ADGRG2: variants seen among roughly 807,000 people sequenced by gnomAD.
ADGRG2 encodes the protein G protein-coupled receptor 64.
ADGRG2 carries 26 observed loss-of-function variants against 74.1 expected under a neutral mutation model. The ratio of observed to expected loss-of-function variants is 0.35; its 90% CI spans 0.26 to 0.49. The LOEUF is 0.49. Ranked by LOEUF, ADGRG2 falls within the 20% of genes least tolerant of loss-of-function variation. The pLI is 0.99. For missense variants in ADGRG2, 619 were observed against 763.1 expected, an observed-to-expected ratio of 0.81 and a Z score of 2.22; for synonymous variants, 296 against 295.2, an observed-to-expected ratio of 1.00 and a Z score of -0.03.
At chrX:19,095,829 C>A (rs1302797633) in intron 1 of ADGRG2, among the ~76,000 whole-genome samples, 2 of 110,049 alleles carry the variant, frequency 1.8e-5, no homozygotes, top group East Asian at 5.7e-4. Flanking sequence ...GCCTGGGCAA[C>A]ATAGTGAGAC....
At chrX:19,066,546 C>G (rs1172214763) in intron 3 of ADGRG2, among the ~76,000 whole-genome samples, 9 of 103,274 alleles carry the variant, frequency 8.7e-5, no homozygotes, top group African/African-American at 3.2e-4. Flanking sequence ...ACCTCCGCCT[C>G]CTGGGCTCAA....
rs2061561149 is a variant in ADGRG2 at position 19,065,893 on chromosome X, G to A, written c.118+2824C>T. Among the ~76,000 whole-genome samples, 6 of 112,296 alleles carry A rather than the reference G, an allele frequency of 5.3e-5. No individual in the cohort carries two copies. In the Admixed American group the frequency reaches 5.6e-4, roughly 11 times the overall value. ...TTGAGAGTCTCGCTCTGTCACCCAG[G>A]CTGGAGTGCAATGGCATGATCTCAG... On this transcript the variant is annotated intron_variant, in intron 3 of 28. Coordinates refer to ENST00000379869, the MANE Select transcript of ADGRG2 (RefSeq NM_001079858.3).
chrX:19,003,154 C>T, intron 23 of ADGRG2, 40 bp from the exon 24 acceptor site: 1 of 1,087,274 alleles, frequency 9.2e-7, no homozygotes, highest in Non-Finnish European at 1.3e-6. Context: ...GCATTCTACT[C>T]TGCCAACCCT....
At chrX:19,070,166 C>A (rs1374634573) in intron 2 of ADGRG2, among the ~76,000 whole-genome samples, 1 of 112,609 alleles carries the variant, frequency 8.9e-6, no homozygotes, top group Non-Finnish European at 1.9e-5. Flanking sequence ...CTTCATGAAT[C>A]CCACAGAGGG....
intron 2 of ADGRG2, among the ~76,000 whole-genome samples, chrX:19,075,408 G>A (rs2061728957): frequency 9.1e-6 from 1 of 109,946 alleles, no homozygotes; most frequent in African/African-American, 3.3e-5. Flanking sequence ...CTTGAGGCCA[G>A]GAGTTCGAGG....
chrX:19,110,154 C>A (rs1352073271), intron 1 of ADGRG2, among the ~76,000 whole-genome samples: 1 of 111,550 alleles, frequency 9.0e-6, no homozygotes, highest in African/African-American at 3.3e-5. Context: ...CTATTCTAGG[C>A]ACTGGGGGTA....
intron 1 of ADGRG2, among the ~76,000 whole-genome samples, chrX:19,115,157 T>C (rs1348837496): frequency 4.5e-5 from 5 of 111,319 alleles, no homozygotes; most frequent in Non-Finnish European, 9.4e-5. Flanking sequence ...CACACTAACA[T>C]TGGAACAGAA....
chrX:19,009,820 T>C lies in ADGRG2; in HGVS notation c.1266-38A>G, dbSNP rs778823538. On this transcript the variant is annotated intron_variant, in intron 17 of 28. Transcript: ENST00000379869. ...GTTGGCAGTTTATTATTTATTTATT[T>C]ATTTATTTTGAGACGGAGTCTCGCT... The C allele has an allele frequency of 8.2e-6, 9 of 1,091,380 alleles. No individual in the cohort carries two copies. The Admixed American group carries it at 2.3e-4, about 27-fold the overall frequency. 89.9% of individuals were successfully genotyped at this position (1,091,380 alleles called of 1,213,427 possible). A position where few individuals can be genotyped will look rare whatever the true frequency, so the allele number is the denominator to read the frequency against.
chrX:19,006,603 C>T (rs2060237588), intron 20 of ADGRG2, among the ~76,000 whole-genome samples: 1 of 110,228 alleles, frequency 9.1e-6, no homozygotes, highest in Non-Finnish European at 1.9e-5. Context: ...GTGGACCACA[C>T]TGTGAGTAGT....
rs150726597 is a variant in ADGRG2 at position 19,056,474 on chromosome X, C to T, written c.118+12243G>A. Among the ~76,000 whole-genome samples the T allele has an allele frequency of 3.2e-3, 355 of 111,521 alleles. 2 individuals are homozygous for T. Among genetic ancestry groups the T allele is most frequent in the African/African-American group, 0.011 (334 of 30,716 alleles). Reference sequence around the variant, plus strand: ...AGCGAATGTTCATATCGTGGTTCTCCGGGACCCTTGAAAGTGGGACTCCTA... The same window carrying T: ...AGCGAATGTTCATATCGTGGTTCTCTGGGACCCTTGAAAGTGGGACTCCTA... On this transcript the variant is annotated intron_variant, in intron 3 of 28. Transcript: ENST00000379869.
At chrX:19,083,170 A>ATTTTTTTTT (rs58522004) in intron 1 of ADGRG2, among the ~76,000 whole-genome samples, 8 of 83,187 alleles carry the variant, frequency 9.6e-5, no homozygotes, top group African/African-American at 1.4e-4. Flanking sequence ...CACCCGGCTA[A>ATTTTTTTTT]TTTTTTTTTT....
chrX:19,076,385 G>T (rs370229467), intron 2 of ADGRG2, among the ~76,000 whole-genome samples: 42 of 111,699 alleles, frequency 3.8e-4, no homozygotes, highest in African/African-American at 1.3e-3. Context: ...CCAGAGAGGG[G>T]ACTCTAAATC....
chrX:19,021,317 A>G (rs909577755), intron 13 of ADGRG2, 119 bp from the exon 14 acceptor site: 13 of 516,708 alleles, frequency 2.5e-5, no homozygotes, highest in African/African-American at 6.9e-5. Flanking sequence ...TTAACTTGTG[A>G]TGTCACCCCA....
At chrX:19,079,812 A>G (rs1018888404) in intron 2 of ADGRG2, among the ~76,000 whole-genome samples, 1 of 112,136 alleles carries the variant, frequency 8.9e-6, no homozygotes. Context: ...AAGTGAATCA[A>G]TATCAGACGT....
At chrX:19,114,823 G>C (rs1280005175) in intron 1 of ADGRG2, among the ~76,000 whole-genome samples, 1 of 111,608 alleles carries the variant, frequency 9.0e-6, no homozygotes, top group Non-Finnish European at 1.9e-5. Context: ...TTGTGATGAA[G>C]AACACAGGCT....
At position 19,048,009 on chromosome X, in the gene ADGRG2, C is replaced by T. The variant is rs145586490; in HGVS notation, c.119-7785G>A. On this transcript the variant is annotated intron_variant, in intron 3 of 28. Transcript: ENST00000379869. The stretch of plus-strand genomic sequence containing the variant: ...GGAACTTCCCAAAGTGCAAGCAATC[C>T]GCAGTTCTAGGTGGGCTTTGGCCAG... Among the ~76,000 whole-genome samples the T allele has an allele frequency of 5.5e-3, 613 of 110,808 alleles. 3 individuals are homozygous for T. Among genetic ancestry groups the T allele is most frequent in the African/African-American group, 0.019 (577 of 30,542 alleles).
At chrX:19,086,955 A>G (rs1481849401) in intron 1 of ADGRG2, among the ~76,000 whole-genome samples, 1 of 111,453 alleles carries the variant, frequency 9.0e-6, no homozygotes, top group African/African-American at 3.3e-5. Flanking sequence ...AGAGAGAAGG[A>G]AAGAGGAGTT....
chrX:19,091,393 C>G (rs2062013556), intron 1 of ADGRG2, among the ~76,000 whole-genome samples: 1 of 110,002 alleles, frequency 9.1e-6, no homozygotes, highest in African/African-American at 3.3e-5. Flanking sequence ...AATTTTAGCT[C>G]TCCATTCTCA....
rs139652400 is a variant in ADGRG2 at position 19,065,242 on chromosome X, C to T, written c.118+3475G>A. ...CTGAGATCGCGCACTCAAGTCTGGGCGACAACAAGATCCTGTCTCAAAAAA... is the reference window on the plus strand; with the variant it reads ...CTGAGATCGCGCACTCAAGTCTGGGTGACAACAAGATCCTGTCTCAAAAAA... On this transcript the variant is annotated intron_variant, in intron 3 of 28. Transcript: ENST00000379869. 2.3e-3 allele frequency among the ~76,000 whole-genome samples: 174 copies of T among 75,150 alleles called. 1 individual carries two copies. Among genetic ancestry groups the T allele is most frequent in the African/African-American group, 9.2e-3 (163 of 17,676 alleles). 65.3% of individuals were successfully genotyped at this position (75,150 alleles called of 115,157 possible). A position where few individuals can be genotyped will look rare whatever the true frequency, so the allele number is the denominator to read the frequency against.
Sources: gnomAD v4.1 joint callset for allele counts (sites outside exome capture counted in the v4.1 genomes callset) on GRCh38, gnomAD v4.1.1 for gene constraint, MANE v1.5 for transcripts, NCBI Gene and HGNC (gene_info 2026-07-23, HGNC 2026-07-21) for gene names.